The following HYDIN variants were observed in gnomAD, a reference collection of about 807,000 sequenced individuals.
HYDIN encodes the protein axonemal central pair apparatus protein HYDIN.
HYDIN carries 132 observed loss-of-function variants against 403.9 expected under a neutral mutation model. The observed-to-expected ratio is 0.33, with a 90% CI of 0.28 to 0.38. The LOEUF is 0.38. HYDIN is among the 10% of genes least tolerant of loss of function. The probability of loss-of-function intolerance (pLI) is 1.00; values close to 1 mark genes in which losing one functional copy is unlikely to be tolerated. For synonymous variants in HYDIN, 1,202 were observed against 1,891.7 expected (o/e 0.64, Z 9.46); for missense variants, 2,827 against 5,009.5 (o/e 0.56, Z 13.15).
At chr16:71,098,248 C>T (rs1484660922) in intron 10 of HYDIN, among the ~76,000 whole-genome samples, 28 of 148,624 alleles carry the variant, frequency 1.9e-4, no homozygotes, top group Admixed American at 1.8e-3. Flanking sequence ...GTCACCCAGG[C>T]TGGAGTGCAG....
At position 71,184,975 on chromosome 16, in the gene HYDIN, A is replaced by G. The variant is rs1364461740; in HGVS notation, c.151T>C (p.Phe51Leu). The change falls in exon 3 of 86, where the codon TTC becomes CTC. Residue 51 changes from phenylalanine to leucine, a missense_variant. Transcript: ENST00000393567. ...EVNRMLTPSE[F>L]LKEMSLTTEQ... ...GTGGTCAGGGACATTTCCTTCAGGAACTCTGAGGGTGTAAGCTAGAATGTA... is the reference window on the plus strand; with the variant it reads ...GTGGTCAGGGACATTTCCTTCAGGAGCTCTGAGGGTGTAAGCTAGAATGTA... The G allele has an allele frequency of 4.4e-6, 7 of 1,607,612 alleles. No individual in the cohort carries two copies. Among genetic ancestry groups the G allele is most frequent in the Non-Finnish European group, 6.0e-6 (7 of 1,176,098 alleles).
chr16:71,053,324 A>G (rs1358227889), intron 18 of HYDIN, among the ~76,000 whole-genome samples: 1 of 152,226 alleles, frequency 6.6e-6, no homozygotes, highest in African/African-American at 2.4e-5. Context: ...CCACTCCTAG[A>G]TATACTCCCT....
At chr16:71,044,009 AAAGC>A (rs1232564580) in intron 18 of HYDIN, among the ~76,000 whole-genome samples, 2 of 151,986 alleles carry the variant, frequency 1.3e-5, no homozygotes, top group Non-Finnish European at 2.9e-5. Context: ...AGAAAGAAAG[AAAGC>A]AAGCAAGCAA....
chr16:71,213,909 T>C (rs867210917), intron 1 of HYDIN, among the ~76,000 whole-genome samples: 1 of 152,006 alleles, frequency 6.6e-6, no homozygotes, highest in African/African-American at 2.4e-5. Context: ...ATTATCACCA[T>C]TCCAATCAAC....
intron 22 of HYDIN, among the ~76,000 whole-genome samples, chr16:71,019,789 T>C (rs2080411044): frequency 6.6e-6 from 1 of 152,366 alleles, no homozygotes; most frequent in Non-Finnish European, 1.5e-5. Flanking sequence ...AGAGGAATAA[T>C]AGGATTTTAC....
chr16:70,940,702 T>G (rs564907077), intron 43 of HYDIN, among the ~76,000 whole-genome samples: 1 of 152,316 alleles, frequency 6.6e-6, no homozygotes, highest in South Asian at 2.1e-4. Context: ...CTGCTCCAGA[T>G]TTTTCTCAGG....
intron 5 of HYDIN, among the ~76,000 whole-genome samples, chr16:71,175,289 CA>C (rs372083753): frequency 1.9e-3 from 292 of 152,096 alleles, no homozygotes; most frequent in African/African-American, 6.9e-3. Flanking sequence ...CACTACCCAC[CA>C]ACACTACTAA....
chr16:70,842,708 C>T (rs184938696), intron 75 of HYDIN, among the ~76,000 whole-genome samples: 4,128 of 151,932 alleles, frequency 0.027, 76 homozygotes, highest in Non-Finnish European at 0.042. Context: ...AAGGGTTTAA[C>T]TCATTTAAAT....
intron 45 of HYDIN, among the ~76,000 whole-genome samples, chr16:70,931,405 T>C (rs2077328255): frequency 6.6e-6 from 1 of 151,792 alleles, no homozygotes; most frequent in East Asian, 1.9e-4. Context: ...ATATATCCAC[T>C]TGAGACTGTG....
chr16:71,056,050 C>CTCCCTG (rs2081874794), intron 18 of HYDIN, among the ~76,000 whole-genome samples: 2 of 152,136 alleles, frequency 1.3e-5, no homozygotes, highest in Non-Finnish European at 2.9e-5. Context: ...CCTGATAGAG[C>CTCCCTG]TCCCTGCATA....
intron 1 of HYDIN, among the ~76,000 whole-genome samples, chr16:71,223,629 GAA>G (rs34882416): frequency 0.36 from 51,891 of 144,364 alleles, 9,430 homozygotes; most frequent in East Asian, 0.58. Flanking sequence ...AAATCAGCAA[GAA>G]AAAAAAAAAA....
chr16:70,951,286 G>A (rs906720608), intron 41 of HYDIN, among the ~76,000 whole-genome samples: 2 of 150,930 alleles, frequency 1.3e-5, no homozygotes, highest in Non-Finnish European at 2.9e-5. Context: ...GAGAGGGAGA[G>A]AGGGAGAGAG....
chr16:70,992,227 C>T lies in HYDIN; in HGVS notation c.3645-17G>A. ...GTCACAAACCTACCAAAGCATGGGA[C>T]AGGGAATAGGGGGAGACAGGAGACA... is the stretch of plus-strand genomic sequence containing the variant. On this transcript the variant is annotated splice_polypyrimidine_tract_variant and intron_variant, in intron 23 of 85. Coordinates refer to ENST00000393567, the MANE Select transcript of HYDIN (RefSeq NM_001270974.2). 6.5e-7 allele frequency: 1 copy of T among 1,541,572 alleles called. No homozygotes were observed. The highest frequency in any genetic ancestry group is 8.7e-7 in the Non-Finnish European group (1 of 1,145,662).
chr16:71,098,590 CA>C (rs2083355642), intron 10 of HYDIN, among the ~76,000 whole-genome samples: 1 of 151,242 alleles, frequency 6.6e-6, no homozygotes, highest in Non-Finnish European at 1.5e-5. Context: ...ACTCTTTGGT[CA>C]AGAGAAAAGT....
rs568418988 is a variant in HYDIN, at chr16:70,971,110, C to T, written c.5380-351G>A. On this transcript the variant is annotated intron_variant, in intron 35 of 85. Transcript: ENST00000393567. The stretch of plus-strand genomic sequence containing the variant: ...GCTGCCACTGTCTGCATCTCTGGGC[C>T]TGAAGGTTCTCATTTCATGGAACCT... 3.9e-5 allele frequency among the ~76,000 whole-genome samples: 6 copies of T among 152,328 alleles called. No homozygotes were observed. In the East Asian group the frequency reaches 1.2e-3, roughly 29 times the overall value.
chr16:70,834,985 T>C (rs1465933334), intron 78 of HYDIN, among the ~76,000 whole-genome samples: 1 of 147,158 alleles, frequency 6.8e-6, no homozygotes, highest in African/African-American at 2.5e-5. Context: ...TGTATATATA[T>C]ATATATACAC....
At position 70,807,754 on chromosome 16, in the gene HYDIN, G is replaced by A. The variant is rs761964937; in HGVS notation, c.15192C>T (p.Arg5064=). The A allele has an allele frequency of 3.5e-5, 57 of 1,614,150 alleles. No homozygotes were observed. The Admixed American group carries it at 3.7e-4, about 10-fold the overall frequency. Residue 5064 remains arginine (R), a synonymous_variant, in exon 86 of 86, where the codon CGC becomes CGT. Transcript: ENST00000393567. ...IIVDNPAFTI[R]AGESVRPKKI... ...TCTTGGGCCGCACAGACTCTCCAGCGCGAATGGTGAAGGCTGGGTTATCCA... is the reference window on the plus strand; with the variant it reads ...TCTTGGGCCGCACAGACTCTCCAGCACGAATGGTGAAGGCTGGGTTATCCA...
intron 1 of HYDIN, among the ~76,000 whole-genome samples, chr16:71,222,471 G>A (rs1264436214): frequency 1.3e-5 from 2 of 152,000 alleles, no homozygotes; most frequent in African/African-American, 2.4e-5. Flanking sequence ...ACATAATACT[G>A]GAAGTCCTAG....
In HYDIN at chr16:70,850,251, C is replaced by T. The variant is rs557268837; in HGVS notation, c.12651+197G>A. 2.1e-5 allele frequency among the ~76,000 whole-genome samples: 3 copies of T among 144,308 alleles called. 1 individual carries two copies. The highest frequency in any genetic ancestry group is 8.8e-5 in the African/African-American group (3 of 34,278). The allele number at this position is 144,308 out of a possible 152,430, so 94.7% of individuals were successfully genotyped here. ...CTTCTCCCCACCATCTCTCCACCCC[C>T]CCCTGAAAATAAAATAAGAAAAGCA... On this transcript the variant is annotated intron_variant, in intron 74 of 85. Coordinates refer to ENST00000393567, the MANE Select transcript of HYDIN (RefSeq NM_001270974.2).
Sources: allele counts gnomAD v4.1 joint callset (sites outside exome capture counted in the v4.1 genomes callset), GRCh38; gene constraint gnomAD v4.1.1; transcripts MANE v1.5; gene names NCBI Gene and HGNC (gene_info 2026-07-23, HGNC 2026-07-21).